Variants in GNB5 observed in about 807,000 individuals in gnomAD.
GNB5 encodes guanine nucleotide-binding protein subunit beta-5.
Under a neutral mutation model 55.3 loss-of-function variants are expected in GNB5, and 37 were observed. That is an observed-to-expected ratio of 0.67 (90% CI 0.51 to 0.88). The LOEUF is 0.88. Among genes scored for constraint, GNB5 ranks in the 40% least tolerant of loss-of-function variants. The pLI is 0.00. For synonymous variants in GNB5, 219 were observed against 198.5 expected, an observed-to-expected ratio of 1.10 and a Z score of -0.87; for missense variants, 476 against 515.3, an observed-to-expected ratio of 0.92 and a Z score of 0.74.
At chr15:52,136,839 T>A (rs1454614520) in intron 7 of GNB5, 4 of 362,522 alleles carry the variant, frequency 1.1e-5, no homozygotes, top group South Asian at 8.3e-5. Context: ...CCCATCCCTG[T>A]GTTAAACAAT....
intron 3 of GNB5, among the ~76,000 whole-genome samples, chr15:52,158,145 T>C (rs958306370): frequency 8.5e-5 from 13 of 152,180 alleles, no homozygotes; most frequent in African/African-American, 3.1e-4. Flanking sequence ...TTTGATCTTC[T>C]TCAGAGGCAA....
At chr15:52,131,382 C>T (rs2033570387) in intron 9 of GNB5, among the ~76,000 whole-genome samples, 2 of 152,132 alleles carry the variant, frequency 1.3e-5, no homozygotes, top group African/African-American at 2.4e-5. Flanking sequence ...AGGCTATATG[C>T]AAATACTATA....
At chr15:52,168,466 G>A (rs2034493173) in intron 3 of GNB5, among the ~76,000 whole-genome samples, 1 of 152,216 alleles carries the variant, frequency 6.6e-6, no homozygotes. Flanking sequence ...GGAGATCAGA[G>A]AGGGCACAAA....
chr15:52,159,200 C>T (rs74015613), intron 3 of GNB5, among the ~76,000 whole-genome samples: 2 of 152,212 alleles, frequency 1.3e-5, no homozygotes, highest in South Asian at 4.2e-4. Flanking sequence ...ACACCCATGA[C>T]AGAGCTCATT....
chr15:52,121,693 C>T lies in GNB5; in HGVS notation c.*1064G>A, dbSNP rs959632497. Reference sequence around the variant, plus strand: ...CCTCGGCTCACTGCAAGCTCCACCTCCCGGGTTCACGCCATTCTCCTGCCT... The same window carrying T: ...CCTCGGCTCACTGCAAGCTCCACCTTCCGGGTTCACGCCATTCTCCTGCCT... On this transcript the variant is annotated 3_prime_UTR_variant, in exon 13 of 13. Transcript: ENST00000261837. 6.6e-6 allele frequency: 1 copy of T among 151,792 alleles called. No homozygotes were observed. The highest frequency in any genetic ancestry group is 1.5e-5 in the Non-Finnish European group (1 of 67,994). The allele number at this position is 151,792 out of a possible 1,614,324, so 9.4% of individuals were successfully genotyped here. A position where few individuals can be genotyped will look rare whatever the true frequency, so the allele number is the denominator to read the frequency against.
chr15:52,138,586 C>A, intron 7 of GNB5: 1 of 152,208 alleles, frequency 6.6e-6, no homozygotes. Context: ...CACACAAAAC[C>A]TGAACCGAGG....
intron 5 of GNB5, among the ~76,000 whole-genome samples, chr15:52,148,973 C>A (rs914674409): frequency 2.6e-5 from 4 of 152,364 alleles, no homozygotes; most frequent in Middle Eastern, 3.4e-3. Flanking sequence ...AGCAACTACA[C>A]CCCTGCATAG....
intron 3 of GNB5, among the ~76,000 whole-genome samples, chr15:52,157,942 T>C (rs1238896767): frequency 1.3e-5 from 2 of 151,866 alleles, no homozygotes; most frequent in African/African-American, 4.8e-5. Context: ...GTGCTGGGTA[T>C]TATTTGTGTG....
chr15:52,186,639 G>A (rs2034850493), intron 1 of GNB5, among the ~76,000 whole-genome samples: 3 of 152,190 alleles, frequency 2.0e-5, no homozygotes, highest in Non-Finnish European at 2.9e-5. Context: ...GTTCTAGAGT[G>A]AGCCCCGTCA....
At chr15:52,153,800 C>T (rs983771789) in intron 4 of GNB5, 140 bp downstream of exon 4, 1 of 687,590 alleles carries the variant, frequency 1.5e-6, no homozygotes. Flanking sequence ...TAAGAGAGTT[C>T]TTTATGCTAA....
chr15:52,145,438 G>A (rs1216575643), intron 6 of GNB5, among the ~76,000 whole-genome samples: 6 of 151,526 alleles, frequency 4.0e-5, no homozygotes, highest in East Asian at 3.9e-4. Context: ...TCAGGAGTTC[G>A]AGACCACCCT....
chr15:52,130,460 G>C (rs567653644), intron 9 of GNB5, among the ~76,000 whole-genome samples: 1 of 152,258 alleles, frequency 6.6e-6, no homozygotes, highest in East Asian at 1.9e-4. Context: ...ACTGTATATA[G>C]AAAAATGGCC....
In GNB5 at chr15:52,141,032, T is replaced by C. The variant is rs1018642526; in HGVS notation, c.627+108A>G. The C allele has an allele frequency of 7.0e-6, 6 of 852,520 alleles. No individual in the cohort carries two copies. The African/African-American group carries it at 1.0e-4, about 14-fold the overall frequency. The allele number at this position is 852,520 out of a possible 1,614,324, so 52.8% of individuals were successfully genotyped here. A position where few individuals can be genotyped will look rare whatever the true frequency, so the allele number is the denominator to read the frequency against. On this transcript the variant is annotated intron_variant, in intron 7 of 12. Transcript: ENST00000261837. Reference sequence around the variant, plus strand: ...GGAGCTTCCTCTTAGAGCAAACTACTGGAGCACAGCCATCTTGTTCAGAGA... The same window carrying C: ...GGAGCTTCCTCTTAGAGCAAACTACCGGAGCACAGCCATCTTGTTCAGAGA...
intron 6 of GNB5, chr15:52,144,422 A>C (rs2033925911): frequency 6.6e-6 from 1 of 152,220 alleles, no homozygotes; most frequent in Non-Finnish European, 1.5e-5. Context: ...ATTCATGTCC[A>C]ACTAGAAACA....
intron 5 of GNB5, 181 bp downstream of exon 5, chr15:52,149,703 A>G: frequency 2.9e-6 from 2 of 682,128 alleles, no homozygotes; most frequent in Non-Finnish European, 5.4e-6. Context: ...TAAATGCTGC[A>G]ATGGGCTGGC....
intron 12 of GNB5, among the ~76,000 whole-genome samples, chr15:52,123,944 C>T (rs935125060): frequency 1.4e-5 from 2 of 142,564 alleles, no homozygotes; most frequent in African/African-American, 2.6e-5. Context: ...AAAAGGCATA[C>T]ACCCCAAATT....
At chr15:52,175,741 A>AAAC (rs1555408732) in intron 3 of GNB5, among the ~76,000 whole-genome samples, 2 of 149,202 alleles carry the variant, frequency 1.3e-5, no homozygotes, top group African/African-American at 5.0e-5. Context: ...TCCGTCTCAA[A>AAAC]AAACAAACAA....
intron 3 of GNB5, among the ~76,000 whole-genome samples, chr15:52,169,370 C>T (rs59633573): frequency 6.6e-6 from 1 of 150,590 alleles, no homozygotes; most frequent in Non-Finnish European, 1.5e-5. Context: ...AACCCCGTCT[C>T]TACTAAAAAT....
At chr15:52,142,569 T>A (rs1374735628) in intron 6 of GNB5, among the ~76,000 whole-genome samples, 1 of 152,156 alleles carries the variant, frequency 6.6e-6, no homozygotes, top group Admixed American at 6.5e-5. Context: ...GTGTTTTTTT[T>A]TTTAATATAT....
Sources: gnomAD v4.1 joint callset for allele counts (sites outside exome capture counted in the v4.1 genomes callset) on GRCh38, gnomAD v4.1.1 for gene constraint, MANE v1.5 for transcripts, NCBI Gene and HGNC (gene_info 2026-07-23, HGNC 2026-07-21) for gene names.